The following HECW2 variants were observed in gnomAD, a reference collection of about 807,000 sequenced individuals.
HECW2 encodes HECT, C2 and WW domain containing E3 ubiquitin protein ligase 2, also known as E3 ubiquitin-protein ligase HECW2.
Under a neutral mutation model 175.2 loss-of-function variants are expected in HECW2, and 61 were observed. The ratio of observed to expected loss-of-function variants is 0.35; its 90% confidence interval spans 0.28 to 0.43. The LOEUF is 0.43. Ranked by LOEUF, HECW2 falls within the 20% of genes least tolerant of loss-of-function variation. HECW2 has a pLI of 1.00. For synonymous variants in HECW2, 671 were observed against 731.0 expected, an observed-to-expected ratio of 0.92 and a Z score of 1.32; for missense variants, 1,524 against 2,000.5, an observed-to-expected ratio of 0.76 and a Z score of 4.54.
intron 1 of HECW2, among the ~76,000 whole-genome samples, chr2:196,565,527 A>G (rs759100393): frequency 2.0e-5 from 3 of 152,216 alleles, no homozygotes; most frequent in African/African-American, 4.8e-5. Flanking sequence ...TCTTTAAGAC[A>G]TATTTCTAGT....
intron 1 of HECW2, among the ~76,000 whole-genome samples, chr2:196,492,715 G>A (rs1687244945): frequency 6.6e-6 from 1 of 152,152 alleles, no homozygotes; most frequent in African/African-American, 2.4e-5. Context: ...GAAAAAAACT[G>A]TACTCAAAAG....
intron 3 of HECW2, among the ~76,000 whole-genome samples, chr2:196,336,980 G>A (rs900102242): frequency 9.9e-5 from 15 of 151,406 alleles, no homozygotes; most frequent in African/African-American, 3.2e-4. Context: ...AGTGGTTTGC[G>A]TAGGGATGAA....
At chr2:196,347,450 G>A (rs1371296872) in intron 2 of HECW2, among the ~76,000 whole-genome samples, 1 of 152,182 alleles carries the variant, frequency 6.6e-6, no homozygotes, top group Non-Finnish European at 1.5e-5. Flanking sequence ...GACCTTGGGT[G>A]ATCAGCCTGC....
At chr2:196,375,095 GT>G (rs768165390) in intron 2 of HECW2, among the ~76,000 whole-genome samples, 16 of 151,330 alleles carry the variant, frequency 1.1e-4, no homozygotes, top group Non-Finnish European at 1.8e-4. Context: ...GGAGGCAGAG[GT>G]AGCAGTGAGC....
intron 1 of HECW2, among the ~76,000 whole-genome samples, chr2:196,483,088 T>C (rs1286819567): frequency 2.2e-5 from 3 of 138,240 alleles, no homozygotes; most frequent in Admixed American, 7.2e-5. Context: ...GTTGATTTCA[T>C]AGTTGTAAAA....
chr2:196,544,365 T>C (rs542227728), intron 1 of HECW2, among the ~76,000 whole-genome samples: 55 of 152,220 alleles, frequency 3.6e-4, no homozygotes, highest in Non-Finnish European at 6.3e-4. Flanking sequence ...GTCCTTGAGC[T>C]AAGAAACATG....
At chr2:196,267,044 CAG>C (rs1397144366) in intron 17 of HECW2, among the ~76,000 whole-genome samples, 1 of 152,096 alleles carries the variant, frequency 6.6e-6, no homozygotes, top group East Asian at 1.9e-4. Flanking sequence ...AAAATTATCA[CAG>C]ATCATGTCCT....
chr2:196,195,904 A>T lies in HECW2; in HGVS notation c.*5373T>A, dbSNP rs756657984. The stretch of plus-strand genomic sequence containing the variant: ...AATGTTAAATTACTGAAGTTATAAA[A>T]TGAGGGTATTTCCCATCTAGTAGAT... On this transcript the variant is annotated 3_prime_UTR_variant, in exon 29 of 29. Transcript: ENST00000644978. 3.9e-5 allele frequency: 6 copies of T among 152,228 alleles called. No individual in the cohort carries two copies. The highest frequency in any genetic ancestry group is 7.2e-5 in the African/African-American group (3 of 41,468). 9.4% of individuals were successfully genotyped at this position (152,228 alleles called of 1,614,324 possible). A position where few individuals can be genotyped will look rare whatever the true frequency, so the allele number is the denominator to read the frequency against.
Position 196,433,456 on chromosome 2 carries a change from A to G in HECW2, c.-33T>C. The stretch of plus-strand genomic sequence containing the variant: ...GCTTCTCTGGGATTGGCTGCCTACA[A>G]AGCTGCAAGAGACAGATAAACATAA... On this transcript the variant is annotated splice_region_variant and 5_prime_UTR_variant, in exon 2 of 29. Transcript: ENST00000644978. 1 of 1,597,374 alleles carries G rather than the reference A, an allele frequency of 6.3e-7. No individual in the cohort carries two copies. The highest frequency in any genetic ancestry group is 8.5e-7 in the Non-Finnish European group (1 of 1,171,634).
intron 2 of HECW2, among the ~76,000 whole-genome samples, chr2:196,377,717 T>C (rs1439129625): frequency 2.0e-5 from 3 of 152,238 alleles, no homozygotes; most frequent in African/African-American, 7.2e-5. Context: ...ATCCTCAGCA[T>C]AGTTAATGCA....
chr2:196,378,431 T>C (rs1282328607), intron 2 of HECW2, among the ~76,000 whole-genome samples: 1 of 152,212 alleles, frequency 6.6e-6, no homozygotes, highest in Non-Finnish European at 1.5e-5. Context: ...CTTGTATAGC[T>C]TTCCCCATTG....
chr2:196,358,239 T>C (rs922954968), intron 2 of HECW2, among the ~76,000 whole-genome samples: 1 of 152,172 alleles, frequency 6.6e-6, no homozygotes, highest in African/African-American at 2.4e-5. Context: ...GTATAGTATG[T>C]GAACCTGGCA....
intron 1 of HECW2, among the ~76,000 whole-genome samples, chr2:196,486,450 G>A (rs554705006): frequency 2.3e-4 from 35 of 152,184 alleles, no homozygotes; most frequent in African/African-American, 8.2e-4. Context: ...CAACCCCCCT[G>A]GGCTCAGAGA....
chr2:196,214,719 C>T (rs567858590), intron 28 of HECW2, among the ~76,000 whole-genome samples: 4 of 152,296 alleles, frequency 2.6e-5, no homozygotes, highest in East Asian at 1.9e-4. Context: ...CATTCTTTAT[C>T]GCTCTCTCCA....
intron 1 of HECW2, among the ~76,000 whole-genome samples, chr2:196,481,377 G>A (rs1200730903): frequency 6.6e-6 from 1 of 152,220 alleles, no homozygotes; most frequent in Non-Finnish European, 1.5e-5. Context: ...CTAGGCGAAA[G>A]TAAGCTTCAC....
chr2:196,367,537 T>C (rs1693778256), intron 2 of HECW2, among the ~76,000 whole-genome samples: 1 of 152,234 alleles, frequency 6.6e-6, no homozygotes, highest in Admixed American at 6.5e-5. Flanking sequence ...CAATAAATTA[T>C]TGTTGACTGT....
At chr2:196,439,901 T>A (rs1382679660) in intron 1 of HECW2, among the ~76,000 whole-genome samples, 1 of 152,088 alleles carries the variant, frequency 6.6e-6, no homozygotes, top group African/African-American at 2.4e-5. Flanking sequence ...CGGATTTTAG[T>A]GACATGAAAA....
intron 2 of HECW2, among the ~76,000 whole-genome samples, chr2:196,406,344 G>C (rs535310325): frequency 3.0e-4 from 45 of 152,106 alleles, no homozygotes; most frequent in Non-Finnish European, 4.9e-4. Flanking sequence ...TGATACTTCT[G>C]TTTCCCACAC....
chr2:196,403,144 A>C (rs1377415762), intron 2 of HECW2, among the ~76,000 whole-genome samples: 1 of 152,142 alleles, frequency 6.6e-6, no homozygotes, highest in African/African-American at 2.4e-5. Context: ...CTTTCCACTG[A>C]TGACCAATTT....
Sources: gnomAD v4.1 joint callset for allele counts (sites outside exome capture counted in the v4.1 genomes callset) on GRCh38, gnomAD v4.1.1 for gene constraint, MANE v1.5 for transcripts, NCBI Gene and HGNC (gene_info 2026-07-23, HGNC 2026-07-21) for gene names.